Variants in ADGRV1 observed in about 807,000 individuals in gnomAD.
ADGRV1 encodes the protein G-protein coupled receptor 98.
Under a neutral mutation model 596.2 loss-of-function variants are expected in ADGRV1, and 359 were observed. The ratio of observed to expected loss-of-function variants is 0.60; its 90% CI spans 0.55 to 0.66. The LOEUF (loss-of-function observed/expected upper bound fraction) is 0.66. Ranked by LOEUF, ADGRV1 falls within the 30% of genes least tolerant of loss-of-function variation. ADGRV1 has a pLI of 0.00. For synonymous variants in ADGRV1, 2,681 were observed against 2,679.2 expected (o/e 1.00, Z -0.02); for missense variants, 7,274 against 7,575.6 (o/e 0.96, Z 1.48).
rs184259170 is a variant in ADGRV1 at position 90,910,538 on chromosome 5, T to A, written c.17856+46681T>A. On this transcript the variant is annotated intron_variant, in intron 83 of 89. Coordinates refer to ENST00000405460, the MANE Select transcript of ADGRV1 (RefSeq NM_032119.4). ...ACACTTTTAGTGTCTATGTTTAGTT[T>A]TATATATATATATTATCTATCTATC... Among the ~76,000 whole-genome samples the A allele has an allele frequency of 9.5e-3, 1,413 of 149,446 alleles. 20 individuals are homozygous for A. The highest frequency in any genetic ancestry group is 0.033 in the African/African-American group (1,348 of 40,496).
intron 87 of ADGRV1, among the ~76,000 whole-genome samples, chr5:91,146,653 A>C (rs1176907611): frequency 6.6e-6 from 1 of 152,240 alleles, no homozygotes; most frequent in Non-Finnish European, 1.5e-5. Flanking sequence ...AGAAATCTAC[A>C]ATGTGAATGG....
chr5:90,599,141 G>C (rs1761086379), intron 1 of ADGRV1, among the ~76,000 whole-genome samples: 1 of 152,116 alleles, frequency 6.6e-6, no homozygotes, highest in South Asian at 2.1e-4. Context: ...TAAATGCATT[G>C]AGAAAAACAC....
intron 87 of ADGRV1, among the ~76,000 whole-genome samples, chr5:91,107,236 C>T (rs576567026): frequency 1.3e-5 from 2 of 152,126 alleles, no homozygotes; most frequent in East Asian, 3.9e-4. Flanking sequence ...AAAGAAATAG[C>T]TTAGGAAGGG....
At chr5:90,621,134 C>G (rs969116160) in intron 4 of ADGRV1, among the ~76,000 whole-genome samples, 4 of 152,130 alleles carry the variant, frequency 2.6e-5, no homozygotes, top group Admixed American at 1.3e-4. Context: ...ACAACTGAAT[C>G]TGGTCGCTAA....
chr5:90,682,470 A>T (rs1745068897), intron 27 of ADGRV1, among the ~76,000 whole-genome samples: 1 of 152,178 alleles, frequency 6.6e-6, no homozygotes, highest in Non-Finnish European at 1.5e-5. Flanking sequence ...ACTCTATATG[A>T]TGTGTGTGTT....
chr5:90,590,504 C>A (rs1407766907), intron 1 of ADGRV1, among the ~76,000 whole-genome samples: 1 of 152,140 alleles, frequency 6.6e-6, no homozygotes, highest in African/African-American at 2.4e-5. Context: ...GTAGTCAGAT[C>A]CCTTATACTG....
At chr5:90,974,989 C>CA (rs1214538675) in intron 84 of ADGRV1, among the ~76,000 whole-genome samples, 16 of 150,576 alleles carry the variant, frequency 1.1e-4, no homozygotes, top group Non-Finnish European at 2.1e-4. Context: ...ACAAAGCACT[C>CA]AAACAAATTT....
chr5:90,707,658 TAAC>T (rs1359101706), intron 38 of ADGRV1, among the ~76,000 whole-genome samples: 2 of 152,240 alleles, frequency 1.3e-5, no homozygotes, highest in Non-Finnish European at 2.9e-5. Flanking sequence ...ACTCTATTAA[TAAC>T]AATATAAATA....
chr5:90,842,238 A>G (rs1765495645), intron 78 of ADGRV1, among the ~76,000 whole-genome samples: 1 of 152,206 alleles, frequency 6.6e-6, no homozygotes, highest in African/African-American at 2.4e-5. Flanking sequence ...CAGATAGTAC[A>G]TCTTGACTGT....
chr5:90,932,794 TTG>T (rs35670367), intron 83 of ADGRV1, among the ~76,000 whole-genome samples: 35 of 150,324 alleles, frequency 2.3e-4, no homozygotes, highest in East Asian at 1.6e-3. Flanking sequence ...TTGTCGTGAG[TTG>T]TGTGTGTGTG....
At chr5:90,586,967 G>A (rs1216515407) in intron 1 of ADGRV1, among the ~76,000 whole-genome samples, 5 of 152,150 alleles carry the variant, frequency 3.3e-5, no homozygotes, top group African/African-American at 1.2e-4. Flanking sequence ...TGGAAAAGGA[G>A]TTTACCTAGG....
At chr5:90,956,636 A>G (rs889564145) in intron 83 of ADGRV1, among the ~76,000 whole-genome samples, 1 of 152,208 alleles carries the variant, frequency 6.6e-6, no homozygotes, top group Non-Finnish European at 1.5e-5. Context: ...TATTTCAGCC[A>G]GCCTTTGCAC....
At chr5:90,784,207 A>G in intron 67 of ADGRV1, 150 bp downstream of exon 67, 2 of 590,350 alleles carry the variant, frequency 3.4e-6, no homozygotes, top group Non-Finnish European at 5.8e-6. Flanking sequence ...TTTGAGCCAG[A>G]TTAAGTACAT....
intron 70 of ADGRV1, among the ~76,000 whole-genome samples, chr5:90,795,181 C>T (rs1025883227): frequency 1.3e-5 from 2 of 151,018 alleles, no homozygotes; most frequent in Non-Finnish European, 2.9e-5. Flanking sequence ...GGGCTGAAGC[C>T]GGGAAGCCAA....
Position 90,711,289 on chromosome 5 carries a change from A to G in ADGRV1, c.9009A>G (p.Ala3003=), listed in dbSNP as rs1561573741. 6 of 1,613,082 alleles carry G rather than the reference A, an allele frequency of 3.7e-6. No homozygotes were observed. The highest frequency in any genetic ancestry group is 5.1e-6 in the Non-Finnish European group (6 of 1,179,402). The part of the protein sequence containing the change: ...SLFVYAQNLE[A]QVGLDYIFTP... The stretch of plus-strand genomic sequence containing the variant: ...TTGTGTATGCTCAGAATTTGGAAGC[A>G]CAAGTGGGGCTGGATTATATCTTCA... The change falls in exon 41 of 90, where the codon GCA becomes GCG. Residue 3003 remains alanine, a synonymous_variant. Transcript: ENST00000405460.
chr5:90,692,931 T>A, intron 32 of ADGRV1, 145 bp downstream of exon 32: 1 of 602,188 alleles, frequency 1.7e-6, no homozygotes, highest in Non-Finnish European at 2.8e-6. Flanking sequence ...ATGTGTTAAC[T>A]GAATTATGCT....
chr5:90,603,894 GCACACACGTGTGTGCAGGCACGTACACA>G (rs1267090237), intron 1 of ADGRV1, among the ~76,000 whole-genome samples: 3 of 135,882 alleles, frequency 2.2e-5, no homozygotes, highest in Non-Finnish European at 4.8e-5. Flanking sequence ...GTACGTGCCT[GCACACACGTGTGTGCAGGCACGTACACA>G]CACATGCACG....
rs115467297 is a variant in ADGRV1, at chr5:90,684,751, T to A, written c.6274+556T>A. ...CTAAGGGCTCCACCTCTTAATACTA[T>A]CACCACTGGGATTAGGATTTAAATG... is the stretch of plus-strand genomic sequence containing the variant. On this transcript the variant is annotated intron_variant, in intron 28 of 89. Transcript: ENST00000405460. Among the ~76,000 whole-genome samples, 1,096 of 152,200 alleles carry A rather than the reference T, an allele frequency of 7.2e-3. 15 individuals carry two copies. Among genetic ancestry groups the A allele is most frequent in the African/African-American group, 0.025 (1,058 of 41,526 alleles).
intron 82 of ADGRV1, among the ~76,000 whole-genome samples, chr5:90,860,213 A>C (rs1767418925): frequency 6.6e-6 from 1 of 152,216 alleles, no homozygotes; most frequent in Non-Finnish European, 1.5e-5. Flanking sequence ...GTCTCCTGGC[A>C]ACCTCACCAC....
Sources: gnomAD v4.1 joint callset for allele counts (sites outside exome capture counted in the v4.1 genomes callset) on GRCh38, gnomAD v4.1.1 for gene constraint, MANE v1.5 for transcripts, NCBI Gene and HGNC (gene_info 2026-07-23, HGNC 2026-07-21) for gene names.